KCMF1: variants seen among roughly 807,000 people sequenced by gnomAD.
The protein encoded by KCMF1 is potassium channel modulatory factor 1, also known as E3 ubiquitin-protein ligase KCMF1.
In KCMF1, 3 loss-of-function variants were observed where a neutral mutation model predicts 41.1. The observed-to-expected ratio is 0.07, with a 90% CI of 0.03 to 0.19. KCMF1 has a LOEUF of 0.19. Ranked by LOEUF, KCMF1 falls within the 10% of genes least tolerant of loss-of-function variation. KCMF1 has a pLI of 1.00. For missense variants in KCMF1, 286 were observed against 488.9 expected (o/e 0.58, Z 3.91); for synonymous variants, 142 against 164.5 (o/e 0.86, Z 1.04).
intron 1 of KCMF1, among the ~76,000 whole-genome samples, chr2:85,002,058 A>C (rs1459908606): frequency 6.6e-6 from 1 of 152,228 alleles, no homozygotes; most frequent in Non-Finnish European, 1.5e-5. Flanking sequence ...TCATTGACCT[A>C]ACCATGGTAG....
At chr2:84,995,733 T>C (rs1674162925) in intron 1 of KCMF1, among the ~76,000 whole-genome samples, 1 of 152,230 alleles carries the variant, frequency 6.6e-6, no homozygotes, top group Admixed American at 6.5e-5. Flanking sequence ...GAAAGATCAC[T>C]TGAGGCCAGG....
intron 1 of KCMF1, among the ~76,000 whole-genome samples, chr2:85,008,316 T>TA (rs1558573457): frequency 1.0e-5 from 1 of 98,726 alleles, no homozygotes; most frequent in African/African-American, 4.4e-5. Flanking sequence ...ATATGATATA[T>TA]ATATCATATA....
intron 1 of KCMF1, among the ~76,000 whole-genome samples, chr2:84,982,694 G>A (rs1003580568): frequency 6.6e-6 from 1 of 152,026 alleles, no homozygotes. Context: ...CACCATGCCC[G>A]GCCCTTCTTT....
chr2:84,987,818 CAG>C (rs1232008839), intron 1 of KCMF1, among the ~76,000 whole-genome samples: 1 of 152,256 alleles, frequency 6.6e-6, no homozygotes, highest in African/African-American at 2.4e-5. Context: ...TCAGCCCAAT[CAG>C]AGAGCTAAGA....
intron 1 of KCMF1, among the ~76,000 whole-genome samples, chr2:85,005,958 T>C (rs1674459125): frequency 6.6e-6 from 1 of 152,080 alleles, no homozygotes; most frequent in South Asian, 2.1e-4. Flanking sequence ...CAATAAATTA[T>C]TGTTAACTAA....
At chr2:84,978,827 T>C (rs997731496) in intron 1 of KCMF1, among the ~76,000 whole-genome samples, 1 of 152,122 alleles carries the variant, frequency 6.6e-6, no homozygotes, top group Non-Finnish European at 1.5e-5. Flanking sequence ...GCGATTCTCC[T>C]GCCTCAGCCT....
At chr2:84,997,589 A>G (rs1428539943) in intron 1 of KCMF1, among the ~76,000 whole-genome samples, 1 of 152,014 alleles carries the variant, frequency 6.6e-6, no homozygotes, top group African/African-American at 2.4e-5. Flanking sequence ...TCAGGAAGGG[A>G]GGAGACCTTT....
intron 1 of KCMF1, among the ~76,000 whole-genome samples, chr2:85,018,795 A>ATTTTTTTTT (rs34627507): frequency 4.1e-5 from 3 of 73,696 alleles, no homozygotes; most frequent in Admixed American, 1.6e-4. Context: ...CAGAACTTTG[A>ATTTTTTTTT]TTTTTTTTTT....
At chr2:84,973,147 C>T (rs76191354) in intron 1 of KCMF1, among the ~76,000 whole-genome samples, 3 of 152,168 alleles carry the variant, frequency 2.0e-5, no homozygotes, top group African/African-American at 7.2e-5. Context: ...CTCTTGAAAA[C>T]TGGGAGGGTT....
At chr2:84,995,386 A>C (rs1176993674) in intron 1 of KCMF1, among the ~76,000 whole-genome samples, 1 of 152,100 alleles carries the variant, frequency 6.6e-6, no homozygotes, top group Non-Finnish European at 1.5e-5. Context: ...TCAGTTCTAG[A>C]GTCTTGATTC....
chr2:84,997,915 GTGCAT>G, intron 1 of KCMF1, among the ~76,000 whole-genome samples: 4 of 151,198 alleles, frequency 2.6e-5, no homozygotes, highest in African/African-American at 4.9e-5. Flanking sequence ...GATTACAGGT[GTGCAT>G]CACCACACCC....
intron 1 of KCMF1, among the ~76,000 whole-genome samples, chr2:85,005,531 C>G (rs1459180833): frequency 6.6e-6 from 1 of 151,910 alleles, no homozygotes; most frequent in African/African-American, 2.4e-5. Context: ...CTCAGATGAT[C>G]CACCTGCCTC....
In KCMF1 at chr2:85,054,703, T is replaced by A. The variant is rs1675887885; in HGVS notation, c.*1294T>A. The A allele has an allele frequency of 6.6e-6, 1 of 152,194 alleles. No individual in the cohort carries two copies. Among genetic ancestry groups the A allele is most frequent in the African/African-American group, 2.4e-5 (1 of 41,450 alleles). 9.4% of individuals were successfully genotyped at this position (152,194 alleles called of 1,614,324 possible). Reference sequence around the variant, plus strand: ...GGGGTTGGGAGGGCAGTTTTTGGAATGTAAATTTAGGACTTTTAAAAAGGT... The same window carrying A: ...GGGGTTGGGAGGGCAGTTTTTGGAAAGTAAATTTAGGACTTTTAAAAAGGT... On this transcript the variant is annotated 3_prime_UTR_variant, in exon 7 of 7. Coordinates refer to ENST00000409785, the MANE Select transcript of KCMF1 (RefSeq NM_020122.5).
At chr2:85,003,586 G>A (rs1674387994) in intron 1 of KCMF1, among the ~76,000 whole-genome samples, 1 of 151,958 alleles carries the variant, frequency 6.6e-6, no homozygotes, top group Non-Finnish European at 1.5e-5. Flanking sequence ...ATAAATGTTT[G>A]CTGTCATTTT....
chr2:85,048,554 G>A (rs531542563), intron 5 of KCMF1, among the ~76,000 whole-genome samples: 1 of 152,218 alleles, frequency 6.6e-6, no homozygotes, highest in Non-Finnish European at 1.5e-5. Context: ...TGTCTGCAAG[G>A]CAGTCATCGA....
At chr2:85,029,090 C>G (rs1042652465) in intron 2 of KCMF1, among the ~76,000 whole-genome samples, 3 of 152,132 alleles carry the variant, frequency 2.0e-5, no homozygotes, top group African/African-American at 7.2e-5. Flanking sequence ...GTGCCTCAGC[C>G]TCTTGAGTAG....
Position 84,992,645 on chromosome 2 carries a change from T to C in KCMF1, c.16+21178T>C, listed in dbSNP as rs568047175. 5.3e-5 allele frequency among the ~76,000 whole-genome samples: 8 copies of C among 152,086 alleles called. 1 individual carries two copies. The East Asian group carries it at 1.6e-3, about 30-fold the overall frequency. ...GTGGTTTTTTTTTGTTTTTTGTTTT[T>C]TTCTTGAGACGGAGTCTAGCTCTGT... On this transcript the variant is annotated intron_variant, in intron 1 of 6. Transcript: ENST00000409785.
intron 1 of KCMF1, among the ~76,000 whole-genome samples, chr2:84,984,027 CAT>C (rs1295554540): frequency 6.6e-6 from 1 of 152,140 alleles, no homozygotes; most frequent in African/African-American, 2.4e-5. Context: ...AGTTGAAAAA[CAT>C]ATTCACATTT....
chr2:85,028,465 G>GT (rs1218830790), intron 2 of KCMF1, among the ~76,000 whole-genome samples: 1 of 146,872 alleles, frequency 6.8e-6, no homozygotes, highest in East Asian at 2.0e-4. Flanking sequence ...GATTATAGGC[G>GT]TGAGCCACTG....
Sources: gnomAD v4.1 joint callset for allele counts (sites outside exome capture counted in the v4.1 genomes callset) on GRCh38, gnomAD v4.1.1 for gene constraint, MANE v1.5 for transcripts, NCBI Gene and HGNC (gene_info 2026-07-23, HGNC 2026-07-21) for gene names.